Variants in SMARCAD1 observed in about 807,000 individuals in gnomAD.
SMARCAD1 encodes SWI/SNF-related matrix-associated actin-dependent regulator of chromatin subfamily A containing DEAD/H box 1.
Under a neutral mutation model 127.1 loss-of-function variants are expected in SMARCAD1, and 25 were observed. That is an observed-to-expected ratio of 0.20 (90% CI 0.14 to 0.27). SMARCAD1 has a LOEUF of 0.27. SMARCAD1 is among the 10% of genes least tolerant of loss of function. The probability of loss-of-function intolerance (pLI) is 1.00; values close to 1 mark genes in which losing one functional copy is unlikely to be tolerated. For missense variants in SMARCAD1, 807 were observed against 1,206.0 expected (o/e 0.67, Z 4.90); for synonymous variants, 400 against 396.9 (o/e 1.01, Z -0.09).
chr4:94,278,999 C>A lies in SMARCAD1; in HGVS notation c.2367C>A (p.Arg789=). ...RKMANHPLLH[R]QYYTAEKLKE... ...TGGCCAATCATCCTTTATTACATCG[C>A]CAATATTACACAGCTGAAAAACTCA... is the stretch of plus-strand genomic sequence containing the variant. The change falls in exon 19 of 24, where the codon CGC becomes CGA. Residue 789 remains arginine, a synonymous_variant. Transcript: ENST00000354268. 1 of 1,613,974 alleles carries A rather than the reference C, an allele frequency of 6.2e-7. No individual in the cohort carries two copies. The highest frequency in any genetic ancestry group is 8.5e-7 in the Non-Finnish European group (1 of 1,180,012).
intron 6 of SMARCAD1, among the ~76,000 whole-genome samples, chr4:94,245,252 A>G (rs955567276): frequency 1.3e-5 from 2 of 152,246 alleles, no homozygotes; most frequent in African/African-American, 4.8e-5. Flanking sequence ...AACATTCAGC[A>G]ACTTGCTGCT....
intron 2 of SMARCAD1, among the ~76,000 whole-genome samples, chr4:94,217,226 C>T (rs1035598456): frequency 6.6e-6 from 1 of 152,106 alleles, no homozygotes; most frequent in Admixed American, 6.5e-5. Flanking sequence ...AGGGTGATAT[C>T]GTTTTCTCCT....
At chr4:94,224,868 T>G (rs2125830471) in intron 2 of SMARCAD1, among the ~76,000 whole-genome samples, 1 of 152,316 alleles carries the variant, frequency 6.6e-6, no homozygotes, top group South Asian at 2.1e-4. Flanking sequence ...GTTTATTATA[T>G]TTGAAGACTT....
intron 1 of SMARCAD1, 123 bp from the exon 2 acceptor site, chr4:94,208,223 A>C: frequency 1.3e-6 from 1 of 753,098 alleles, no homozygotes. Context: ...AAGCGCAGCC[A>C]TAACAGTCCT....
At chr4:94,286,887 CAG>C (rs1235435849) in intron 23 of SMARCAD1, among the ~76,000 whole-genome samples, 2 of 151,632 alleles carry the variant, frequency 1.3e-5, no homozygotes, top group Admixed American at 6.6e-5. Context: ...CCACTTTTTT[CAG>C]AGTCTTGCTC....
chr4:94,270,915 G>C, intron 11 of SMARCAD1, 97 bp downstream of exon 11: 1 of 998,670 alleles, frequency 1.0e-6, no homozygotes, highest in Non-Finnish European at 1.6e-6. Flanking sequence ...TGCTACTGTA[G>C]TTAACTACTG....
At chr4:94,214,490 A>G (rs986734583) in intron 2 of SMARCAD1, among the ~76,000 whole-genome samples, 6 of 151,818 alleles carry the variant, frequency 4.0e-5, no homozygotes, top group Admixed American at 2.6e-4. Context: ...GATGGTCTCA[A>G]TCTCCTGACT....
At chr4:94,226,646 C>G (rs1745066681) in intron 3 of SMARCAD1, among the ~76,000 whole-genome samples, 1 of 151,314 alleles carries the variant, frequency 6.6e-6, no homozygotes, top group South Asian at 2.1e-4. Flanking sequence ...GTCCATGAAT[C>G]AAGTCATTTT....
intron 6 of SMARCAD1, among the ~76,000 whole-genome samples, chr4:94,242,341 G>T (rs1253412918): frequency 1.3e-5 from 2 of 151,794 alleles, no homozygotes; most frequent in South Asian, 2.1e-4. Context: ...CACCACGCCC[G>T]GCTGTATTTT....
intron 5 of SMARCAD1, among the ~76,000 whole-genome samples, chr4:94,238,528 C>T (rs753559101): frequency 1.5e-4 from 23 of 152,026 alleles, no homozygotes; most frequent in Admixed American, 3.3e-4. Flanking sequence ...CTCATTATTT[C>T]GTCCCTAGCA....
rs1312790254 is a variant in SMARCAD1 at position 94,283,229 on chromosome 4, A to G, written c.2835A>G (p.Ile945Met). The G allele has an allele frequency of 6.2e-7, 1 of 1,613,768 alleles. No homozygotes were observed. Among genetic ancestry groups the G allele is most frequent in the East Asian group, 2.2e-5 (1 of 44,792 alleles). Residue 945 changes from isoleucine (I) to methionine (M), a missense_variant, in exon 22 of 24, where the codon ATA (isoleucine) becomes ATG (methionine). By Grantham distance (10) the Ile-to-Met change is conservative. Around this residue, in one of 8 missense-constraint regions of SMARCAD1, gnomAD observed 44 missense variants for 119.1 expected, o/e 0.37. Transcript: ENST00000354268. ...ATCTGACTTCAGCAAATGTTGTTAT[A>G]CTTCACGATATTGACTGTAATCCTT... Reference protein sequence around the residue: ...GINLTSANVVILHDIDCNPYN... With the variant: ...GINLTSANVVMLHDIDCNPYN...
intron 8 of SMARCAD1, among the ~76,000 whole-genome samples, chr4:94,252,235 T>G (rs1222404438): frequency 1.3e-5 from 2 of 152,204 alleles, no homozygotes; most frequent in African/African-American, 4.8e-5. Context: ...ACATACACAC[T>G]TTTTATTAGT....
At chr4:94,276,226 T>G in intron 14 of SMARCAD1, 113 bp from the exon 15 acceptor site, 1 of 1,080,694 alleles carries the variant, frequency 9.3e-7, no homozygotes, top group Non-Finnish European at 1.4e-6. Flanking sequence ...GTGCTTTAAG[T>G]ACTGGCTGTT....
At chr4:94,237,751 A>G (rs539336824) in intron 5 of SMARCAD1, among the ~76,000 whole-genome samples, 14 of 152,242 alleles carry the variant, frequency 9.2e-5, no homozygotes, top group African/African-American at 2.6e-4. Context: ...CTCTGTGACT[A>G]CCCACAGGAT....
At chr4:94,210,495 T>C (rs982686013) in intron 2 of SMARCAD1, among the ~76,000 whole-genome samples, 1 of 152,096 alleles carries the variant, frequency 6.6e-6, no homozygotes, top group Admixed American at 6.5e-5. Flanking sequence ...TACACACTGA[T>C]TGAGGGTAGG....
At chr4:94,273,186 C>T (rs1416887164) in intron 11 of SMARCAD1, among the ~76,000 whole-genome samples, 1 of 152,182 alleles carries the variant, frequency 6.6e-6, no homozygotes, top group Non-Finnish European at 1.5e-5. Context: ...AACATAAGCG[C>T]TCATATCTCA....
At chr4:94,256,178 G>A (rs192255697) in intron 9 of SMARCAD1, among the ~76,000 whole-genome samples, 22 of 152,174 alleles carry the variant, frequency 1.4e-4, no homozygotes, top group Non-Finnish European at 2.1e-4. Flanking sequence ...TGACCAATGC[G>A]ACATGCATCA....
At chr4:94,240,305 G>A (rs1300268102) in intron 5 of SMARCAD1, among the ~76,000 whole-genome samples, 5 of 152,096 alleles carry the variant, frequency 3.3e-5, no homozygotes, top group Non-Finnish European at 7.4e-5. Context: ...TTCCAGTCAC[G>A]ACAATATGCA....
intron 9 of SMARCAD1, among the ~76,000 whole-genome samples, chr4:94,254,448 C>T (rs539421488): frequency 4.6e-5 from 7 of 152,170 alleles, no homozygotes. Flanking sequence ...GCCCGAATAT[C>T]TTATAGTAAA....
Sources: allele counts gnomAD v4.1 joint callset (sites outside exome capture counted in the v4.1 genomes callset), GRCh38; gene constraint gnomAD v4.1.1; regional missense constraint gnomAD v4.1.1; transcripts MANE v1.5; gene names NCBI Gene and HGNC (gene_info 2026-07-23, HGNC 2026-07-21).